The following NCBP3 variants were observed in gnomAD, a reference collection of about 807,000 sequenced individuals.
NCBP3 encodes nuclear cap binding subunit 3.
NCBP3 carries 20 observed loss-of-function variants against 75.7 expected under a neutral mutation model. The ratio of observed to expected loss-of-function variants is 0.26; its 90% confidence interval spans 0.19 to 0.38. The LOEUF is 0.38. Ranked by LOEUF, NCBP3 falls within the 10% of genes least tolerant of loss-of-function variation. NCBP3 has a pLI of 1.00. For missense variants in NCBP3, 678 were observed against 796.9 expected, an observed-to-expected ratio of 0.85 and a Z score of 1.80; for synonymous variants, 293 against 290.5, an observed-to-expected ratio of 1.01 and a Z score of -0.09.
chr17:3,819,368 T>C (rs911480045), intron 9 of NCBP3, among the ~76,000 whole-genome samples: 45 of 152,084 alleles, frequency 3.0e-4, no homozygotes, highest in Non-Finnish European at 8.8e-5. Flanking sequence ...CCATCCTGGC[T>C]AACATGCTAA....
At chr17:3,816,383 G>C (rs2053533184) in intron 10 of NCBP3, 113 bp from the exon 11 acceptor site, 3 of 894,526 alleles carry the variant, frequency 3.4e-6, no homozygotes, top group Admixed American at 5.4e-5. Context: ...TGTCTTACAT[G>C]GCCAACATTC....
At chr17:3,829,743 C>G (rs746109298) in intron 3 of NCBP3, among the ~76,000 whole-genome samples, 1 of 152,120 alleles carries the variant, frequency 6.6e-6, no homozygotes, top group Non-Finnish European at 1.5e-5. Context: ...AAGAGAAACG[C>G]GCAGTAGTGG....
rs981387595 is a variant in NCBP3 at position 3,843,276 on chromosome 17, T to C, written c.184-125A>G. 1.2e-4 allele frequency: 85 copies of C among 730,902 alleles called. No individual in the cohort carries two copies. In the Middle Eastern group the frequency reaches 3.5e-3, roughly 30 times the overall value. 45.3% of individuals were successfully genotyped at this position (730,902 alleles called of 1,614,324 possible). ...TTTTTTTTTGTTGGTGACAGTGTCT[T>C]GCTCTGTTGCCCAGGCCGGAGTGCA... On this transcript the variant is annotated intron_variant, in intron 1 of 12. Coordinates refer to ENST00000389005, the MANE Select transcript of NCBP3 (RefSeq NM_001114118.3).
chr17:3,842,947 AAC>A (rs1240441840), intron 2 of NCBP3, 137 bp downstream of exon 2: 2 of 766,862 alleles, frequency 2.6e-6, no homozygotes, highest in Non-Finnish European at 4.2e-6. Context: ...CCTGGCCAAT[AAC>A]ACAATTTTTT....
intron 3 of NCBP3, among the ~76,000 whole-genome samples, chr17:3,833,958 T>C (rs2053931292): frequency 1.3e-5 from 2 of 152,214 alleles, no homozygotes; most frequent in African/African-American, 4.8e-5. Flanking sequence ...ATCTCTTTAC[T>C]TCCCTTAGGC....
chr17:3,813,380 G>A (rs578019514), intron 12 of NCBP3, 101 bp from the exon 13 acceptor site: 35 of 1,405,410 alleles, frequency 2.5e-5, no homozygotes, highest in South Asian at 2.3e-4. Context: ...TGCAGGAAAC[G>A]CCAGCAGTCT....
chr17:3,831,159 C>T (rs2143687631), intron 3 of NCBP3, among the ~76,000 whole-genome samples: 1 of 151,738 alleles, frequency 6.6e-6, no homozygotes, highest in South Asian at 2.1e-4. Context: ...GATCCGCCTG[C>T]CTCGGCCTCC....
In NCBP3 at chr17:3,811,278, C is replaced by CTG. The variant is rs1230043039; in HGVS notation, c.*1765_*1766insCA. 1 of 152,270 alleles carries CTG rather than the reference C, an allele frequency of 6.6e-6. No homozygotes were observed. Among genetic ancestry groups the CTG allele is most frequent in the Non-Finnish European group, 1.5e-5 (1 of 68,100 alleles). The allele number at this position is 152,270 out of a possible 1,614,324, so 9.4% of individuals were successfully genotyped here. ...TGTCCGATTCTCAGGCCCCCGCACTCCTCACTCTACCAACTCCCCAAACCC... is the reference window on the plus strand; with the variant it reads ...TGTCCGATTCTCAGGCCCCCGCACTCTGCTCACTCTACCAACTCCCCAAACCC... On this transcript the variant is annotated 3_prime_UTR_variant, in exon 13 of 13. Coordinates refer to ENST00000389005, the MANE Select transcript of NCBP3 (RefSeq NM_001114118.3).
At chr17:3,825,737 C>T in intron 6 of NCBP3, 30 bp downstream of exon 6, 1 of 1,487,276 alleles carries the variant, frequency 6.7e-7, no homozygotes, top group South Asian at 1.2e-5. Flanking sequence ...TTTACAATAA[C>T]TTTACATCTA....
Position 3,809,034 on chromosome 17 carries a change from G to C in NCBP3, c.*4010C>G, listed in dbSNP as rs945415676. The C allele has an allele frequency of 6.6e-6, 1 of 151,770 alleles. No homozygotes were observed. The highest frequency in any genetic ancestry group is 2.4e-5 in the African/African-American group (1 of 41,312). 9.4% of individuals were successfully genotyped at this position (151,770 alleles called of 1,614,324 possible). A position where few individuals can be genotyped will look rare whatever the true frequency, so the allele number is the denominator to read the frequency against. ...CGTGGTGGCTCATGCCTGTAATCTC[G>C]GCACTTTGGGAGGTCAAGGCAGGAG... On this transcript the variant is annotated 3_prime_UTR_variant, in exon 13 of 13. Coordinates refer to ENST00000389005, the MANE Select transcript of NCBP3 (RefSeq NM_001114118.3).
At position 3,826,096 on chromosome 17, in the gene NCBP3, T is replaced by A; in HGVS notation, c.601A>T (p.Arg201Trp). 1.9e-6 allele frequency: 3 copies of A among 1,551,022 alleles called. No homozygotes were observed. The highest frequency in any genetic ancestry group is 2.6e-6 in the Non-Finnish European group (3 of 1,146,714). The change falls in exon 5 of 13, where the codon AGG (arginine) becomes TGG (tryptophan). Residue 201 changes from arginine to tryptophan, a missense_variant. By Grantham distance (101) the Arg-to-Trp change is moderately radical. This residue lies in a region of NCBP3 where 98 missense variants were observed against 101.8 expected (regional missense o/e 0.96). Transcript: ENST00000389005. ...DASEDKSAEK[R>W]KKDKQEDSSD... ...TCCTTTGTGTTGTTACCTTTTTTCC[T>A]TTTCTCAGCTGACTTGTCCTCACTG...
intron 3 of NCBP3, among the ~76,000 whole-genome samples, chr17:3,838,035 G>A (rs2054005654): frequency 6.6e-6 from 1 of 151,992 alleles, no homozygotes; most frequent in African/African-American, 2.4e-5. Flanking sequence ...ATCCTATTAA[G>A]GTAAGTATCA....
intron 3 of NCBP3, 85 bp from the exon 4 acceptor site, chr17:3,829,453 G>C: frequency 7.1e-7 from 1 of 1,399,808 alleles, no homozygotes; most frequent in Non-Finnish European, 9.6e-7. Flanking sequence ...TAATAGTTCA[G>C]ACAACACGAG....
rs771397959 is a variant in NCBP3 at position 3,846,024 on chromosome 17, C to G, written c.183+17G>C. The stretch of plus-strand genomic sequence containing the variant: ...AGCCCCGCGACCTCTTCCTTACCCC[C>G]CGACCCCCGCCCGTACCGGGATCAG... On this transcript the variant is annotated intron_variant, in intron 1 of 12. Transcript: ENST00000389005. The surrounding 1 kb of genome is among the most constrained non-coding windows in gnomAD (Gnocchi z 4.6). The G allele has an allele frequency of 3.9e-6, 6 of 1,545,418 alleles. No individual in the cohort carries two copies. The highest frequency in any genetic ancestry group is 1.7e-4 in the Middle Eastern group (1 of 5,966).
chr17:3,826,731 A>G (rs1388350901), intron 4 of NCBP3, among the ~76,000 whole-genome samples: 1 of 135,878 alleles, frequency 7.4e-6, no homozygotes, highest in Non-Finnish European at 1.5e-5. Context: ...AAGGAGAGAG[A>G]GAGATGAAAG....
At chr17:3,841,542 A>G (rs555059829) in intron 2 of NCBP3, among the ~76,000 whole-genome samples, 2 of 151,846 alleles carry the variant, frequency 1.3e-5, no homozygotes, top group Non-Finnish European at 2.9e-5. Flanking sequence ...TTTCAATTAC[A>G]GTAAGAAAAG....
At chr17:3,834,111 A>G (rs1305383965) in intron 3 of NCBP3, among the ~76,000 whole-genome samples, 1 of 152,212 alleles carries the variant, frequency 6.6e-6, no homozygotes, top group Non-Finnish European at 1.5e-5. Flanking sequence ...CCTAGAAAAG[A>G]GAAGGTAGCG....
At chr17:3,822,284 A>G (rs1597399019) in intron 7 of NCBP3, 1 of 407,682 alleles carries the variant, frequency 2.5e-6, no homozygotes, top group East Asian at 3.9e-5. Flanking sequence ...TTGGAGCCAG[A>G]TGACTTAATG....
chr17:3,827,876 A>G (rs112762807), intron 4 of NCBP3, among the ~76,000 whole-genome samples: 6 of 152,298 alleles, frequency 3.9e-5, no homozygotes, highest in African/African-American at 1.2e-4. Context: ...AGGTTTAATT[A>G]ATGTACAATA....
Sources: allele counts gnomAD v4.1 joint callset (sites outside exome capture counted in the v4.1 genomes callset), GRCh38; gene constraint gnomAD v4.1.1; regional missense constraint gnomAD v4.1.1; non-coding constraint Gnocchi (gnomAD v3.1); transcripts MANE v1.5; gene names NCBI Gene and HGNC (gene_info 2026-07-23, HGNC 2026-07-21).